The following FBXO36 variants were observed in gnomAD, a reference collection of about 807,000 sequenced individuals.
FBXO36 encodes the protein F-box protein 36.
FBXO36 carries 18 observed loss-of-function variants against 17.0 expected under a neutral mutation model. That is an observed-to-expected ratio of 1.06 (90% CI 0.73 to 1.57). The LOEUF (loss-of-function observed/expected upper bound fraction) is 1.57. FBXO36 is among the 40% of genes most tolerant of loss of function. The pLI, the probability that FBXO36 is intolerant of heterozygous loss-of-function variation, is 0.00. For missense variants in FBXO36, 229 were observed against 221.9 expected, an observed-to-expected ratio of 1.03 and a Z score of -0.20; for synonymous variants, 83 against 85.3, an observed-to-expected ratio of 0.97 and a Z score of 0.15.
chr2:229,979,717 TA>T (rs767598239), intron 2 of FBXO36, among the ~76,000 whole-genome samples: 647 of 141,808 alleles, frequency 4.6e-3, no homozygotes, highest in African/African-American at 4.2e-3. Flanking sequence ...GAGGCGGAGT[TA>T]AAAAAAAAAA....
At chr2:229,932,898 T>C (rs1164285964) in intron 1 of FBXO36, 2 of 331,720 alleles carry the variant, frequency 6.0e-6, no homozygotes, top group East Asian at 1.3e-4. Flanking sequence ...TGAAACCCCA[T>C]CTCTAATAAA....
At chr2:229,977,943 A>G (rs1409775298) in intron 2 of FBXO36, among the ~76,000 whole-genome samples, 1 of 152,084 alleles carries the variant, frequency 6.6e-6, no homozygotes, top group East Asian at 1.9e-4. Flanking sequence ...TAAACTCTTT[A>G]ATAATTACTC....
chr2:229,952,794 T>C (rs1393538000), intron 1 of FBXO36, among the ~76,000 whole-genome samples: 1 of 152,166 alleles, frequency 6.6e-6, no homozygotes, highest in Non-Finnish European at 1.5e-5. Flanking sequence ...CCTGCAGCCT[T>C]GAGCTGTGCA....
intron 3 of FBXO36, among the ~76,000 whole-genome samples, chr2:229,998,731 A>G: frequency 6.6e-6 from 1 of 151,714 alleles, no homozygotes. Context: ...TTGAGGTTAC[A>G]GTGAGTTGTG....
intron 2 of FBXO36, among the ~76,000 whole-genome samples, chr2:229,986,659 C>T (rs1283812679): frequency 1.3e-5 from 2 of 151,208 alleles, no homozygotes; most frequent in African/African-American, 2.4e-5. Flanking sequence ...CTCAGCCTCC[C>T]GAGTAGCTGG....
At chr2:229,977,321 T>C (rs1484025489) in intron 2 of FBXO36, 1 of 152,050 alleles carries the variant, frequency 6.6e-6, no homozygotes, top group Non-Finnish European at 1.5e-5. Flanking sequence ...GAGTTGGGTT[T>C]CAGTTTGCTT....
At chr2:229,963,980 T>C (rs2077138026) in intron 1 of FBXO36, among the ~76,000 whole-genome samples, 1 of 152,210 alleles carries the variant, frequency 6.6e-6, no homozygotes, top group African/African-American at 2.4e-5. Context: ...TATTTCAGTA[T>C]GATTTTAATA....
intron 2 of FBXO36, among the ~76,000 whole-genome samples, chr2:229,992,234 G>A (rs2077301549): frequency 1.3e-5 from 2 of 151,318 alleles, no homozygotes; most frequent in South Asian, 2.1e-4. Flanking sequence ...TCTTGGCTAC[G>A]GCACCCTCTG....
intron 2 of FBXO36, among the ~76,000 whole-genome samples, chr2:229,981,650 T>C (rs1193661871): frequency 2.1e-5 from 3 of 144,308 alleles, no homozygotes; most frequent in African/African-American, 7.7e-5. Flanking sequence ...TGTAGTGCGC[T>C]GTGATTGTGC....
At chr2:229,932,526 A>G (rs549095545) in intron 1 of FBXO36, among the ~76,000 whole-genome samples, 1 of 152,164 alleles carries the variant, frequency 6.6e-6, no homozygotes, top group Non-Finnish European at 1.5e-5. Context: ...GTCTCAAAAA[A>G]AAAATTAGCT....
intron 2 of FBXO36, among the ~76,000 whole-genome samples, chr2:229,977,746 G>A (rs1358823021): frequency 6.6e-6 from 1 of 152,088 alleles, no homozygotes; most frequent in Non-Finnish European, 1.5e-5. Context: ...CACTGCACCC[G>A]GCCAGAATGG....
rs11368097 is a variant in FBXO36, at chr2:229,979,169, C to CAA, written c.205+2835_205+2836dup. On this transcript the variant is annotated intron_variant, in intron 2 of 3. Transcript: ENST00000283946. ...TGGGCAACAGAGTGATACTCTGTCT[C>CAA]AAAAAAAAAAAAAAAATCCATTATT... 9.0e-4 allele frequency among the ~76,000 whole-genome samples: 116 copies of CAA among 129,524 alleles called. 1 individual carries two copies. The highest frequency in any genetic ancestry group is 7.9e-3 in the East Asian group (37 of 4,666). The allele number at this position is 129,524 out of a possible 152,430, so 85.0% of individuals were successfully genotyped here. A position where few individuals can be genotyped will look rare whatever the true frequency, so the allele number is the denominator to read the frequency against.
intron 1 of FBXO36, among the ~76,000 whole-genome samples, chr2:229,949,171 A>G (rs890141903): frequency 6.6e-6 from 1 of 152,114 alleles, no homozygotes; most frequent in African/African-American, 2.4e-5. Context: ...GCCTGTCTGT[A>G]TAAGCCACCC....
chr2:229,957,251 A>G (rs1457465953), intron 1 of FBXO36, among the ~76,000 whole-genome samples: 1 of 152,198 alleles, frequency 6.6e-6, no homozygotes, highest in Non-Finnish European at 1.5e-5. Context: ...AATGTTACAT[A>G]TGCAGAGAGA....
At position 229,987,792 on chromosome 2, in the gene FBXO36, G is replaced by C. The variant is rs187544447; in HGVS notation, c.206-8959G>C. Reference sequence around the variant, plus strand: ...ACTACAAGTGTGCACCACCACACCTGGATAATTTTGTAGAGACAGGGTCTC... The same window carrying C: ...ACTACAAGTGTGCACCACCACACCTCGATAATTTTGTAGAGACAGGGTCTC... On this transcript the variant is annotated intron_variant, in intron 2 of 3. Coordinates refer to ENST00000283946, the MANE Select transcript of FBXO36 (RefSeq NM_174899.5). 3.2e-3 allele frequency among the ~76,000 whole-genome samples: 489 copies of C among 152,016 alleles called. 7 individuals carry two copies. The highest frequency in any genetic ancestry group is 0.031 in the Admixed American group (468 of 15,240).
At chr2:229,937,387 C>T (rs973197159) in intron 1 of FBXO36, among the ~76,000 whole-genome samples, 6 of 151,670 alleles carry the variant, frequency 4.0e-5, no homozygotes, top group Admixed American at 6.6e-5. Context: ...CCCAGCTACT[C>T]GGGAGGCTGA....
chr2:229,981,200 G>C (rs1413476210), intron 2 of FBXO36, among the ~76,000 whole-genome samples: 1 of 152,134 alleles, frequency 6.6e-6, no homozygotes, highest in Non-Finnish European at 1.5e-5. Flanking sequence ...TCAATGGCCT[G>C]ATACAAAGTC....
At position 229,933,539 on chromosome 2, in the gene FBXO36, A is replaced by G. The variant is rs187213127; in HGVS notation, c.96+10930A>G. Among the ~76,000 whole-genome samples, 711 of 152,302 alleles carry G rather than the reference A, an allele frequency of 4.7e-3. 3 individuals carry two copies. The highest frequency in any genetic ancestry group is 0.016 in the African/African-American group (682 of 41,568). On this transcript the variant is annotated intron_variant, in intron 1 of 3. Coordinates refer to ENST00000283946, the MANE Select transcript of FBXO36 (RefSeq NM_174899.5). ...TAGTGAGAACCAGATGTATGTAACA[A>G]GCACTCCAGGCCAGTATTTCTCAAA...
At position 230,011,765 on chromosome 2, in the gene FBXO36, C is replaced by T. The variant is rs146386201; in HGVS notation, c.*881C>T. 4 of 152,024 alleles carry T rather than the reference C, an allele frequency of 2.6e-5. No homozygotes were observed. The highest frequency in any genetic ancestry group is 9.6e-5 in the African/African-American group (4 of 41,484). 9.4% of individuals were successfully genotyped at this position (152,024 alleles called of 1,614,324 possible). A position where few individuals can be genotyped will look rare whatever the true frequency, so the allele number is the denominator to read the frequency against. On this transcript the variant is annotated 3_prime_UTR_variant, in exon 4 of 4. Coordinates refer to ENST00000283946, the MANE Select transcript of FBXO36 (RefSeq NM_174899.5). ...GTCTGGCTAAAACCTATAAACATTT[C>T]TTAGAGAAATGCTGTTCCCCAAAGG...
Sources: gnomAD v4.1 joint callset for allele counts (sites outside exome capture counted in the v4.1 genomes callset) on GRCh38, gnomAD v4.1.1 for gene constraint, MANE v1.5 for transcripts, NCBI Gene and HGNC (gene_info 2026-07-23, HGNC 2026-07-21) for gene names.